The following NHERF1 variants were observed in gnomAD, a reference collection of about 807,000 sequenced individuals.
NHERF1 encodes Na(+)/H(+) exchange regulatory cofactor NHE-RF1.
At chr17:74,764,168 C>T in the NHERF1 span, among the ~76,000 whole-genome samples, 14 of 152,370 alleles carry the variant, frequency 9.2e-5, no homozygotes, top group East Asian at 2.7e-3. The surrounding 1 kb of genome is among the most constrained non-coding windows in gnomAD (Gnocchi z 4.9). Context: ...TGGACTTTCT[C>T]CCTGGGAAGA....
At chr17:74,767,963 A>T in the NHERF1 span, 1 of 702,388 alleles carries the variant, frequency 1.4e-6, no homozygotes. Flanking sequence ...CTGCCCTCTG[A>T]TCCCCAAAGG....
chr17:74,768,047 C>T, the NHERF1 span: 1 of 858,898 alleles, frequency 1.2e-6, no homozygotes, highest in Non-Finnish European at 2.0e-6. Context: ...AGTGCTACCT[C>T]TTCTCAGTCT....
chr17:74,759,133 C>T, the NHERF1 span, among the ~76,000 whole-genome samples: 19 of 152,296 alleles, frequency 1.2e-4, no homozygotes, highest in African/African-American at 4.3e-4. Context: ...GCAGGTGCAT[C>T]GGAGCTGTCT....
the NHERF1 span, among the ~76,000 whole-genome samples, chr17:74,766,172 T>G: frequency 6.6e-6 from 1 of 152,008 alleles, no homozygotes; most frequent in African/African-American, 2.4e-5. Context: ...GACCAGCAGG[T>G]TTTTTGGTTT....
At chr17:74,754,835 G>T in the NHERF1 span, among the ~76,000 whole-genome samples, 3 of 152,284 alleles carry the variant, frequency 2.0e-5, no homozygotes, top group Admixed American at 1.3e-4. Context: ...TATTTTGTAG[G>T]TTGACAGTAA....
At chr17:74,768,131 C>G in the NHERF1 span, 1 of 1,583,758 alleles carries the variant, frequency 6.3e-7, no homozygotes, top group South Asian at 1.1e-5. Context: ...ACCCACAACC[C>G]TCTCCTCTCT....
chr17:74,749,763 C>T, the NHERF1 span, among the ~76,000 whole-genome samples: 1 of 152,206 alleles, frequency 6.6e-6, no homozygotes, highest in Non-Finnish European at 1.5e-5. This position sits in a 1 kb window ranked among gnomAD's most constrained non-coding sequence, Gnocchi z 5.6. Flanking sequence ...AATAGCATTA[C>T]TCCTCCTGTG....
the NHERF1 span, among the ~76,000 whole-genome samples, chr17:74,754,783 T>C: frequency 6.6e-6 from 1 of 152,330 alleles, no homozygotes; most frequent in African/African-American, 2.4e-5. Context: ...CCAGCCAATA[T>C]GCATTTCATT....
At chr17:74,766,687 G>A in the NHERF1 span, among the ~76,000 whole-genome samples, 3 of 152,074 alleles carry the variant, frequency 2.0e-5, no homozygotes, top group Non-Finnish European at 4.4e-5. Context: ...AGGCCAAGGT[G>A]GAAGGATTGC....
chr17:74,749,062 C>T, the NHERF1 span: 3 of 1,595,686 alleles, frequency 1.9e-6, no homozygotes, highest in South Asian at 1.1e-5. This position sits in a 1 kb window ranked among gnomAD's most constrained non-coding sequence, Gnocchi z 5.6. Context: ...AGGAGACCCA[C>T]CAGCAGGTGG....
the NHERF1 span, chr17:74,767,081 C>T: frequency 1.0e-6 from 1 of 962,520 alleles, no homozygotes; most frequent in Non-Finnish European, 1.7e-6. Flanking sequence ...AAGGCCAAAA[C>T]CCCAGGGTCC....
the NHERF1 span, among the ~76,000 whole-genome samples, chr17:74,765,295 C>T: frequency 4.5e-4 from 68 of 152,170 alleles, no homozygotes; most frequent in Admixed American, 2.9e-3. Context: ...GAGTCCTGCT[C>T]TGTCACCCAG....
chr17:74,761,421 C>G, the NHERF1 span, among the ~76,000 whole-genome samples: 50 of 152,364 alleles, frequency 3.3e-4, no homozygotes, highest in South Asian at 8.1e-3. This position sits in a 1 kb window ranked among gnomAD's most constrained non-coding sequence, Gnocchi z 4.3. Context: ...TTCTGGCTCC[C>G]TTTTGGCTGG....
chr17:74,758,160 G>A, the NHERF1 span, among the ~76,000 whole-genome samples: 207 of 152,360 alleles, frequency 1.4e-3, no homozygotes, highest in African/African-American at 4.7e-3. This position sits in a 1 kb window ranked among gnomAD's most constrained non-coding sequence, Gnocchi z 4.3. Context: ...CGGTCACTGG[G>A]ATTAGGGTAT....
At chr17:74,766,942 T>A in the NHERF1 span, 1 of 1,614,126 alleles carries the variant, frequency 6.2e-7, no homozygotes, top group South Asian at 1.1e-5. Flanking sequence ...CTAGGTCCCC[T>A]GCCTGTGCCC....
chr17:74,768,604 G>T, the NHERF1 span: 1 of 1,614,098 alleles, frequency 6.2e-7, no homozygotes, highest in East Asian at 2.2e-5. Flanking sequence ...AGCAGCAAAC[G>T]GGCCCCGCAG....
the NHERF1 span, among the ~76,000 whole-genome samples, chr17:74,764,161 A>C: frequency 2.0e-5 from 3 of 152,182 alleles, no homozygotes; most frequent in Non-Finnish European, 4.4e-5. The surrounding 1 kb of genome is among the most constrained non-coding windows in gnomAD (Gnocchi z 4.9). Flanking sequence ...CTTGGTCTGG[A>C]CTTTCTCCCT....
chr17:74,753,975 C>A, the NHERF1 span, among the ~76,000 whole-genome samples: 6 of 152,004 alleles, frequency 3.9e-5, no homozygotes, highest in Admixed American at 1.3e-4. Flanking sequence ...ACCAGCCTGG[C>A]CAACATGGTA....
chr17:74,748,879 G>T, the NHERF1 span: 172 of 1,596,936 alleles, frequency 1.1e-4, no homozygotes, highest in Non-Finnish European at 1.4e-4. This position sits in a 1 kb window ranked among gnomAD's most constrained non-coding sequence, Gnocchi z 4.3. Context: ...GGGCGCCCCT[G>T]CCCCGGCTCT....
Sources: gnomAD v4.1 joint callset for allele counts (sites outside exome capture counted in the v4.1 genomes callset) on GRCh38, gnomAD v4.1.1 for gene constraint, Gnocchi (gnomAD v3.1) non-coding constraint, MANE v1.5 for transcripts, NCBI Gene and HGNC (gene_info 2026-07-23, HGNC 2026-07-21) for gene names.